The following TRIO variants were observed in gnomAD, a reference collection of about 807,000 sequenced individuals.
The protein encoded by TRIO is triple functional domain protein.
In TRIO, 58 loss-of-function variants were observed where a neutral mutation model predicts 351.9. The observed-to-expected ratio is 0.16, with a 90% CI of 0.13 to 0.21. TRIO has a LOEUF of 0.21. TRIO is among the 10% of genes least tolerant of loss of function. TRIO has a pLI of 1.00. For missense variants in TRIO, 3,201 were observed against 4,027.8 expected (o/e 0.79, Z 5.56); for synonymous variants, 1,758 against 1,595.7 (o/e 1.10, Z -2.42).
At chr5:14,300,699 T>TA (rs1051812166) in intron 7 of TRIO, among the ~76,000 whole-genome samples, 18 of 152,312 alleles carry the variant, frequency 1.2e-4, no homozygotes, top group African/African-American at 3.8e-4. Flanking sequence ...ACTGTAGTAT[T>TA]ATTGTCCTGA....
chr5:14,178,196 AAC>A (rs1789521344), intron 1 of TRIO, among the ~76,000 whole-genome samples: 1 of 152,226 alleles, frequency 6.6e-6, no homozygotes, highest in Admixed American at 6.5e-5. Context: ...AAGCAGCAGA[AAC>A]AGAGTTGTAC....
intron 34 of TRIO, among the ~76,000 whole-genome samples, chr5:14,433,031 T>C (rs1751302421): frequency 6.6e-6 from 1 of 152,244 alleles, no homozygotes; most frequent in Non-Finnish European, 1.5e-5. Context: ...GTTACTTTTT[T>C]GAGAAACACG....
At chr5:14,239,049 G>A (rs933441927) in intron 1 of TRIO, among the ~76,000 whole-genome samples, 13 of 152,222 alleles carry the variant, frequency 8.5e-5, no homozygotes, top group Admixed American at 1.3e-4. Flanking sequence ...AAGAGGTGAC[G>A]TATAACCTAA....
At chr5:14,487,086 C>G (rs1316860989) in intron 47 of TRIO, among the ~76,000 whole-genome samples, 1 of 152,136 alleles carries the variant, frequency 6.6e-6, no homozygotes, top group Non-Finnish European at 1.5e-5. Context: ...CAGAGGTGGT[C>G]TATGAAACCG....
intron 2 of TRIO, among the ~76,000 whole-genome samples, chr5:14,273,742 C>T (rs919860772): frequency 6.6e-6 from 1 of 152,346 alleles, no homozygotes; most frequent in South Asian, 2.1e-4. Context: ...GGAGTTTGCG[C>T]CTAATGGCAT....
Position 14,419,961 on chromosome 5 carries a change from T to G in TRIO, c.5143T>G (p.Ser1715Ala). The change falls in exon 34 of 57, where the codon TCA (serine) becomes GCA (alanine). Residue 1715 changes from serine to alanine, a missense_variant. Around this residue, in one of 19 missense-constraint regions of TRIO, gnomAD observed 193 missense variants for 218.8 expected, o/e 0.88. Transcript: ENST00000344204. ...GGCAGAAGGCCTGGTCCCCTGTGGT[T>G]CACTGTGCATCGCCCACTCCAGAAG... ...PAAEGLVPCG[S>A]LCIAHSRSSM... 1.2e-6 allele frequency: 2 copies of G among 1,614,260 alleles called. No homozygotes were observed. Among genetic ancestry groups the G allele is most frequent in the Non-Finnish European group, 1.7e-6 (2 of 1,180,044 alleles).
At chr5:14,440,527 G>A (rs1751943048) in intron 34 of TRIO, among the ~76,000 whole-genome samples, 1 of 152,230 alleles carries the variant, frequency 6.6e-6, no homozygotes, top group Middle Eastern at 3.2e-3. Context: ...AGACAAGAAA[G>A]AACTTCTAAG....
intron 3 of TRIO, among the ~76,000 whole-genome samples, chr5:14,282,747 A>T (rs566329513): frequency 6.6e-6 from 1 of 152,302 alleles, no homozygotes; most frequent in South Asian, 2.1e-4. Flanking sequence ...ACATCATGTC[A>T]TTCAAAAATA....
intron 48 of TRIO, chr5:14,489,219 G>A: frequency 1.9e-6 from 1 of 538,668 alleles, no homozygotes; most frequent in East Asian, 2.9e-5. Flanking sequence ...ACTTATTAAT[G>A]CCTTAATTGG....
At chr5:14,421,754 C>T (rs1173202196) in intron 34 of TRIO, among the ~76,000 whole-genome samples, 1 of 152,152 alleles carries the variant, frequency 6.6e-6, no homozygotes, top group Non-Finnish European at 1.5e-5. Flanking sequence ...AGGTCCTGAC[C>T]ATGTCCACGT....
Position 14,264,908 on chromosome 5 carries a change from G to C in TRIO, c.158-5917G>C, listed in dbSNP as rs565147717. 2.0e-5 allele frequency among the ~76,000 whole-genome samples: 3 copies of C among 152,254 alleles called. No homozygotes were observed. The East Asian group carries it at 5.8e-4, about 29-fold the overall frequency. On this transcript the variant is annotated intron_variant, in intron 1 of 56. Coordinates refer to ENST00000344204, the MANE Select transcript of TRIO (RefSeq NM_007118.4). ...TTGTGTGCAGGCGTGCGCGCGCGAAGTTTCCCCCAAAGTAACTAATGAGTA... is the reference window on the plus strand; with the variant it reads ...TTGTGTGCAGGCGTGCGCGCGCGAACTTTCCCCCAAAGTAACTAATGAGTA...
intron 34 of TRIO, among the ~76,000 whole-genome samples, chr5:14,456,579 G>A (rs957708425): frequency 1.3e-5 from 2 of 152,226 alleles, no homozygotes; most frequent in African/African-American, 2.4e-5. Context: ...CAGTGTGGGT[G>A]TCTGGGCAGG....
At chr5:14,300,277 T>C (rs1737763811) in intron 7 of TRIO, among the ~76,000 whole-genome samples, 2 of 152,242 alleles carry the variant, frequency 1.3e-5, no homozygotes, top group African/African-American at 4.8e-5. Context: ...GCTTAAAATA[T>C]CTTTTTACTG....
At chr5:14,452,946 CTG>C (rs1752947019) in intron 34 of TRIO, among the ~76,000 whole-genome samples, 1 of 152,010 alleles carries the variant, frequency 6.6e-6, no homozygotes, top group Non-Finnish European at 1.5e-5. Flanking sequence ...AATTTACAGA[CTG>C]GGCCTAGAAA....
In TRIO at chr5:14,387,422, CTGT is replaced by C. The variant is rs776505938; in HGVS notation, c.3571-11_3571-9del. 2 of 1,592,152 alleles carry C rather than the reference CTGT, an allele frequency of 1.3e-6. No individual in the cohort carries two copies. The highest frequency in any genetic ancestry group is 1.7e-6 in the Non-Finnish European group (2 of 1,167,750). On this transcript the variant is annotated splice_polypyrimidine_tract_variant and intron_variant, in intron 21 of 56. Transcript: ENST00000344204. ...GATTCATTTGCCTCACAATACTTTC[CTGT>C]TGTTTTTTGCAGCAAACCAAAGAGA...
chr5:14,390,696 G>T (rs879540535), intron 26 of TRIO, among the ~76,000 whole-genome samples: 2 of 152,276 alleles, frequency 1.3e-5, no homozygotes, highest in Non-Finnish European at 2.9e-5. Flanking sequence ...TGCTCAGCCC[G>T]ACGTGTCGGG....
At chr5:14,169,373 A>T (rs1329732320) in intron 1 of TRIO, among the ~76,000 whole-genome samples, 1 of 151,876 alleles carries the variant, frequency 6.6e-6, no homozygotes, top group Non-Finnish European at 1.5e-5. Context: ...ATGATCATTA[A>T]TTGGTATGCC....
chr5:14,381,211 G>A lies in TRIO; in HGVS notation c.3529G>A (p.Glu1177Lys). ...STGSSIQHTQELLKEHEEFQI... is the reference protein window; with the variant it reads ...STGSSIQHTQKLLKEHEEFQI... The stretch of plus-strand genomic sequence containing the variant: ...GGGCTCCAGTATACAGCACACCCAG[G>A]AGCTCCTGAAAGAGCACGAGGAGTT... The change falls in exon 21 of 57, where the codon GAG (glutamate) becomes AAG (lysine). Residue 1177 changes from glutamate (E) to lysine (K), a missense_variant. This residue lies in a region of TRIO where 201 missense variants were observed against 266.5 expected (regional missense o/e 0.75). Coordinates refer to ENST00000344204, the MANE Select transcript of TRIO (RefSeq NM_007118.4). 6.2e-7 allele frequency: 1 copy of A among 1,613,902 alleles called. No homozygotes were observed. Among genetic ancestry groups the A allele is most frequent in the Non-Finnish European group, 8.5e-7 (1 of 1,179,948 alleles).
At chr5:14,464,333 A>C (rs532188753) in intron 36 of TRIO, among the ~76,000 whole-genome samples, 1 of 152,346 alleles carries the variant, frequency 6.6e-6, no homozygotes, top group East Asian at 1.9e-4. Flanking sequence ...CTCCATTTAA[A>C]GAGTGACCTG....
Sources: allele counts gnomAD v4.1 joint callset (sites outside exome capture counted in the v4.1 genomes callset), GRCh38; gene constraint gnomAD v4.1.1; regional missense constraint gnomAD v4.1.1; transcripts MANE v1.5; gene names NCBI Gene and HGNC (gene_info 2026-07-23, HGNC 2026-07-21).